PEPD: variants seen among roughly 807,000 people sequenced by gnomAD.
The protein encoded by PEPD is peptidase D.
Under a neutral mutation model 60.7 loss-of-function variants are expected in PEPD, and 53 were observed. That is an observed-to-expected ratio of 0.87 (90% CI 0.70 to 1.10). The LOEUF is 1.10. PEPD is among the 50% of genes least tolerant of loss of function. The pLI, the probability that PEPD is intolerant of heterozygous loss-of-function variation, is 0.00. For synonymous variants in PEPD, 267 were observed against 284.1 expected, an observed-to-expected ratio of 0.94 and a Z score of 0.60; for missense variants, 711 against 711.9, an observed-to-expected ratio of 1.00 and a Z score of 0.01.
At chr19:33,419,150 T>C (rs1968955931) in intron 9 of PEPD, among the ~76,000 whole-genome samples, 1 of 152,138 alleles carries the variant, frequency 6.6e-6, no homozygotes, top group South Asian at 2.1e-4. Context: ...GCCAGCATGG[T>C]CACAGGGTAT....
chr19:33,518,887 G>GGCTGGGAAAGGCT (rs1336785871), intron 1 of PEPD, among the ~76,000 whole-genome samples: 2 of 152,138 alleles, frequency 1.3e-5, no homozygotes, highest in Non-Finnish European at 2.9e-5. Flanking sequence ...TTTACCCGAG[G>GGCTGGGAAAGGCT]GCTGGGAAAG....
At chr19:33,476,726 T>C (rs10417565) in intron 7 of PEPD, among the ~76,000 whole-genome samples, 79,939 of 151,876 alleles carry the variant, frequency 0.53, 21,949 homozygotes, top group African/African-American at 0.68. Flanking sequence ...TACAGTGGCG[T>C]GATCTCAGCT....
At chr19:33,463,897 C>A in intron 8 of PEPD, 90 bp downstream of exon 8, 1 of 840,312 alleles carries the variant, frequency 1.2e-6, no homozygotes, top group South Asian at 1.4e-5. Context: ...GGGATTAGAG[C>A]CCACCTGGAA....
intron 12 of PEPD, among the ~76,000 whole-genome samples, chr19:33,397,614 G>T (rs1414990471): frequency 1.3e-5 from 2 of 151,928 alleles, no homozygotes; most frequent in Middle Eastern, 3.4e-3. Context: ...GGTGTGGGGG[G>T]GCTGCTGGGG....
At chr19:33,396,966 C>T (rs1488267114) in intron 12 of PEPD, among the ~76,000 whole-genome samples, 1 of 152,162 alleles carries the variant, frequency 6.6e-6, no homozygotes, top group African/African-American at 2.4e-5. Context: ...AGCAGCGCCT[C>T]CCCCCATTCC....
At chr19:33,413,695 A>G in intron 9 of PEPD, 52 bp from the exon 10 acceptor site, 1 of 1,104,718 alleles carries the variant, frequency 9.1e-7, no homozygotes. Context: ...GGCACACCCC[A>G]CTCCACGAGC....
At position 33,512,785 on chromosome 19, in the gene PEPD, G is replaced by A; in HGVS notation, c.18-9C>T. 2 of 1,613,894 alleles carry A rather than the reference G, an allele frequency of 1.2e-6. No homozygotes were observed. Among genetic ancestry groups the A allele is most frequent in the Non-Finnish European group, 1.7e-6 (2 of 1,179,902 alleles). On this transcript the variant is annotated splice_polypyrimidine_tract_variant and intron_variant, in intron 1 of 14. Transcript: ENST00000244137. ...CCAGCCAAAACGAGGGTCTGCAGAG[G>A]CAAGAGCACACACCGCCACACAGGC...
chr19:33,476,825 T>C (rs1319977613), intron 7 of PEPD, among the ~76,000 whole-genome samples: 1 of 151,928 alleles, frequency 6.6e-6, no homozygotes, highest in Non-Finnish European at 1.5e-5. Flanking sequence ...CACCATGCCC[T>C]GCTAATTTTT....
chr19:33,393,355 T>G (rs924994232), intron 12 of PEPD, among the ~76,000 whole-genome samples: 3 of 151,832 alleles, frequency 2.0e-5, no homozygotes, highest in Admixed American at 6.5e-5. Context: ...TGGCTGCAGC[T>G]GCCCTGTATC....
chr19:33,471,059 A>C (rs550619617), intron 7 of PEPD, among the ~76,000 whole-genome samples: 42 of 152,276 alleles, frequency 2.8e-4, no homozygotes, highest in Non-Finnish European at 4.7e-4. Flanking sequence ...AGAGGTGATA[A>C]TCATCTCTGC....
chr19:33,433,421 G>T (rs1376896573), intron 9 of PEPD, among the ~76,000 whole-genome samples: 1 of 152,078 alleles, frequency 6.6e-6, no homozygotes, highest in Non-Finnish European at 1.5e-5. Flanking sequence ...GTACCTCCAG[G>T]GGACTTAACT....
At chr19:33,497,136 T>A (rs900932047) in intron 4 of PEPD, among the ~76,000 whole-genome samples, 4 of 152,274 alleles carry the variant, frequency 2.6e-5, no homozygotes, top group African/African-American at 9.6e-5. Context: ...ACAGTCTGGA[T>A]GTGTGGCTAC....
At chr19:33,453,316 A>AT (rs1555762491) in intron 9 of PEPD, among the ~76,000 whole-genome samples, 18 of 149,750 alleles carry the variant, frequency 1.2e-4, no homozygotes, top group South Asian at 6.3e-4. Flanking sequence ...ACTGTCATAA[A>AT]AAAATAAATA....
intron 1 of PEPD, among the ~76,000 whole-genome samples, chr19:33,514,137 T>A (rs1970984073): frequency 6.6e-6 from 1 of 151,974 alleles, no homozygotes; most frequent in South Asian, 2.1e-4. Context: ...ATAATGGGGA[T>A]GAGGTGGAGG....
At position 33,500,982 on chromosome 19, in the gene PEPD, A is replaced by G; in HGVS notation, c.349T>C (p.Phe117Leu). ...TCGTCCACGGCATACTTCTCCTTGA[A>G]GTGCTCCTTGGAATGGATCCTCAAA... is the stretch of plus-strand genomic sequence containing the variant. ...WMGKIHSKEH[F>L]KEKYAVDDVQ... Residue 117 changes from phenylalanine to leucine, a missense_variant, in exon 4 of 15, where the codon TTC becomes CTC. By Grantham distance (22) the Phe-to-Leu change is conservative. Coordinates refer to ENST00000244137, the MANE Select transcript of PEPD (RefSeq NM_000285.4). 4 of 1,604,102 alleles carry G rather than the reference A, an allele frequency of 2.5e-6. No homozygotes were observed. Among genetic ancestry groups the G allele is most frequent in the Non-Finnish European group, 2.6e-6 (3 of 1,170,946 alleles).
intron 9 of PEPD, among the ~76,000 whole-genome samples, chr19:33,462,650 C>T (rs1969947527): frequency 6.6e-6 from 1 of 152,236 alleles, no homozygotes; most frequent in Non-Finnish European, 1.5e-5. Context: ...AGTGTTTACA[C>T]ATAAAAACGG....
At chr19:33,518,653 G>C (rs947397347) in intron 1 of PEPD, among the ~76,000 whole-genome samples, 6 of 152,242 alleles carry the variant, frequency 3.9e-5, no homozygotes, top group African/African-American at 1.4e-4. Context: ...AAGCAGGATG[G>C]GATGCTGGAC....
intron 9 of PEPD, among the ~76,000 whole-genome samples, chr19:33,455,678 ATT>A (rs34754945): frequency 2.1e-4 from 28 of 134,624 alleles, no homozygotes; most frequent in Admixed American, 3.0e-4. Context: ...AATTAAAAAC[ATT>A]TTTTTTTTTT....
chr19:33,485,810 T>C (rs550487763), intron 6 of PEPD, among the ~76,000 whole-genome samples: 147 of 152,250 alleles, frequency 9.7e-4, no homozygotes, highest in African/African-American at 3.5e-3. Context: ...CCTGAATAAG[T>C]GTATTTCTTA....
Sources: gnomAD v4.1 joint callset for allele counts (sites outside exome capture counted in the v4.1 genomes callset) on GRCh38, gnomAD v4.1.1 for gene constraint, MANE v1.5 for transcripts, NCBI Gene and HGNC (gene_info 2026-07-23, HGNC 2026-07-21) for gene names.